NFXL1: variants seen among roughly 807,000 people sequenced by gnomAD.
The protein encoded by NFXL1 is NF-X1-type zinc finger protein NFXL1.
A neutral mutation model predicts 123.3 loss-of-function variants in NFXL1; 66 were observed. That is an observed-to-expected ratio of 0.54 (90% CI 0.44 to 0.66). The LOEUF (loss-of-function observed/expected upper bound fraction) is 0.66. Ranked by LOEUF, NFXL1 falls within the 30% of genes least tolerant of loss-of-function variation. The pLI is 0.00. For missense variants in NFXL1, 944 were observed against 1,125.6 expected, an observed-to-expected ratio of 0.84 and a Z score of 2.31; for synonymous variants, 346 against 360.8, an observed-to-expected ratio of 0.96 and a Z score of 0.46.
intron 18 of NFXL1, among the ~76,000 whole-genome samples, chr4:47,873,299 T>G (rs555698998): frequency 1.8e-4 from 28 of 152,316 alleles, no homozygotes; most frequent in African/African-American, 6.5e-4. Context: ...ACATGAATGT[T>G]CTTAATGACA....
In NFXL1 at chr4:47,851,845, C is replaced by A. The variant is rs755241078; in HGVS notation, c.2508+11G>T. The A allele has an allele frequency of 6.5e-7, 1 of 1,547,224 alleles. No individual in the cohort carries two copies. Among genetic ancestry groups the A allele is most frequent in the Non-Finnish European group, 8.9e-7 (1 of 1,121,794 alleles). Reference sequence around the variant, plus strand: ...CACTAGTCTTTAAAATGATATTTAACGAGACATTACCTCAGATGCTTTCCG... The same window carrying A: ...CACTAGTCTTTAAAATGATATTTAAAGAGACATTACCTCAGATGCTTTCCG... On this transcript the variant is annotated intron_variant, in intron 21 of 22. Coordinates refer to ENST00000507489, the MANE Select transcript of NFXL1 (RefSeq NM_001278624.2).
At chr4:47,905,214 T>C (rs367783474) in intron 4 of NFXL1, 23 bp downstream of exon 4, 68 of 1,002,638 alleles carry the variant, frequency 6.8e-5, no homozygotes, top group Non-Finnish European at 1.0e-4. Flanking sequence ...GATACATTAA[T>C]ATAAATAAGG....
chr4:47,897,420 G>A (rs934098127), intron 9 of NFXL1, among the ~76,000 whole-genome samples: 14 of 152,162 alleles, frequency 9.2e-5, no homozygotes, highest in African/African-American at 3.4e-4. Context: ...TTTGTGGAGA[G>A]TCAAAAAAGC....
rs1481198570 is a variant in NFXL1, at chr4:47,898,100, A to T, written c.1090-19T>A. 1 of 1,443,228 alleles carries T rather than the reference A, an allele frequency of 6.9e-7. No homozygotes were observed. Among genetic ancestry groups the T allele is most frequent in the Non-Finnish European group, 9.6e-7 (1 of 1,040,326 alleles). The allele number at this position is 1,443,228 out of a possible 1,614,324, so 89.4% of individuals were successfully genotyped here. A position where few individuals can be genotyped will look rare whatever the true frequency, so the allele number is the denominator to read the frequency against. On this transcript the variant is annotated intron_variant, in intron 8 of 22. Transcript: ENST00000507489. The stretch of plus-strand genomic sequence containing the variant: ...CACATACCTAAAATAAAATGCAATA[A>T]ACACTAATGAAGGATTTAAAAGTTA...
chr4:47,856,030 G>A (rs1049983672), intron 19 of NFXL1, among the ~76,000 whole-genome samples: 1 of 152,098 alleles, frequency 6.6e-6, no homozygotes. Context: ...TGCTTGTGGT[G>A]TCTTGAAATT....
chr4:47,884,319 T>G (rs1284785701), intron 15 of NFXL1, 27 bp downstream of exon 15: 2 of 1,394,196 alleles, frequency 1.4e-6, no homozygotes, highest in East Asian at 2.3e-5. Context: ...TTTGTTTTTT[T>G]TTTTTAATTG....
intron 12 of NFXL1, among the ~76,000 whole-genome samples, chr4:47,887,082 G>C (rs1442224631): frequency 1.3e-5 from 2 of 152,038 alleles, no homozygotes; most frequent in African/African-American, 4.8e-5. Context: ...TTTGTTATGG[G>C]TTGGCAAAAA....
chr4:47,855,711 C>T (rs141155515), intron 19 of NFXL1, among the ~76,000 whole-genome samples: 84 of 152,172 alleles, frequency 5.5e-4, no homozygotes, highest in African/African-American at 2.0e-3. Context: ...TGTCCTTATA[C>T]GGTGTTATAA....
chr4:47,884,468 C>A, intron 14 of NFXL1, 31 bp from the exon 15 acceptor site: 3 of 1,354,128 alleles, frequency 2.2e-6, no homozygotes, highest in Admixed American at 1.8e-5. Flanking sequence ...AATTTTAAGT[C>A]AGAGGGATTA....
chr4:47,872,621 G>A (rs1466914497), intron 18 of NFXL1, among the ~76,000 whole-genome samples: 1 of 152,072 alleles, frequency 6.6e-6, no homozygotes, highest in Non-Finnish European at 1.5e-5. Flanking sequence ...TAAAAGTTAT[G>A]TTTACACAAT....
At chr4:47,881,321 T>C (rs568033548) in intron 15 of NFXL1, among the ~76,000 whole-genome samples, 1 of 152,262 alleles carries the variant, frequency 6.6e-6, no homozygotes, top group East Asian at 1.9e-4. Context: ...TAAATATGTA[T>C]AATTATTATG....
chr4:47,879,777 T>C (rs77514338), intron 15 of NFXL1, among the ~76,000 whole-genome samples: 5,027 of 152,170 alleles, frequency 0.033, 260 homozygotes, highest in African/African-American at 0.11. Flanking sequence ...ACACAAATCA[T>C]AGTCTACTGA....
intron 18 of NFXL1, among the ~76,000 whole-genome samples, chr4:47,866,184 C>A (rs1437233641): frequency 6.6e-6 from 1 of 151,626 alleles, no homozygotes; most frequent in Non-Finnish European, 1.5e-5. Flanking sequence ...AGTAGCCAAT[C>A]TTGGAAAGGC....
chr4:47,862,861 AT>A lies in NFXL1; in HGVS notation c.2300del (p.Asn767IlefsTer30). Reference sequence around the variant, plus strand: ...TAAAGCTTACCTCTTTAGGGCACTGATTTTTGCAACAACTGAGGAGGTTCTT... The same window carrying A: ...TAAAGCTTACCTCTTTAGGGCACTGATTTTGCAACAACTGAGGAGGTTCTT... ...NEKNLLSCCK[N>X]QCPKELPCGH... On this transcript the variant is annotated frameshift_variant, in exon 19 of 23. Coordinates refer to ENST00000507489, the MANE Select transcript of NFXL1 (RefSeq NM_001278624.2). LOFTEE classifies it high-confidence loss of function. The A allele has an allele frequency of 6.3e-7, 1 of 1,575,444 alleles. No individual in the cohort carries two copies. The highest frequency in any genetic ancestry group is 8.6e-7 in the Non-Finnish European group (1 of 1,160,940).
intron 18 of NFXL1, among the ~76,000 whole-genome samples, chr4:47,865,505 CT>C (rs1735006225): frequency 6.9e-6 from 1 of 144,636 alleles, no homozygotes; most frequent in Non-Finnish European, 1.5e-5. Context: ...AAAAAAACAA[CT>C]CCTGAGAGAG....
Position 47,910,997 on chromosome 4 carries a change from G to A in NFXL1, c.236-3C>T. ...AAATTTTTTCTGAGACATTAGCTCT[G>A]TTTAAAAGAAAAAAGTTTCATTTCT... On this transcript the variant is annotated splice_polypyrimidine_tract_variant and splice_region_variant and intron_variant, in intron 2 of 22. Coordinates refer to ENST00000507489, the MANE Select transcript of NFXL1 (RefSeq NM_001278624.2). The A allele has an allele frequency of 6.5e-7, 1 of 1,531,706 alleles. No homozygotes were observed. Among genetic ancestry groups the A allele is most frequent in the East Asian group, 2.3e-5 (1 of 43,310 alleles). 94.9% of individuals were successfully genotyped at this position (1,531,706 alleles called of 1,614,324 possible).
rs1733906152 is a variant in NFXL1, at chr4:47,847,976, T to C, written c.*187A>G. ...GTCATGCCTTCACTTTAAAACAGTA[T>C]TATACTGCCCTTTCTAGTATACTAA... On this transcript the variant is annotated 3_prime_UTR_variant, in exon 23 of 23. Coordinates refer to ENST00000507489, the MANE Select transcript of NFXL1 (RefSeq NM_001278624.2). 3 of 452,800 alleles carry C rather than the reference T, an allele frequency of 6.6e-6. No homozygotes were observed. The highest frequency in any genetic ancestry group is 4.0e-5 in the African/African-American group (2 of 50,062). 28.0% of individuals were successfully genotyped at this position (452,800 alleles called of 1,614,324 possible).
Position 47,869,692 on chromosome 4 carries a change from G to T in NFXL1, c.2246+5435C>A, listed in dbSNP as rs1735312673. Among the ~76,000 whole-genome samples, 4 of 151,994 alleles carry T rather than the reference G, an allele frequency of 2.6e-5. No individual in the cohort carries two copies. The South Asian group carries it at 8.3e-4, about 32-fold the overall frequency. On this transcript the variant is annotated intron_variant, in intron 18 of 22. Coordinates refer to ENST00000507489, the MANE Select transcript of NFXL1 (RefSeq NM_001278624.2). ...AATTAAATTCTCAATTCTTCTTAAAGAAATTTAGAAATTTCTTTTTAAAGG... is the reference window on the plus strand; with the variant it reads ...AATTAAATTCTCAATTCTTCTTAAATAAATTTAGAAATTTCTTTTTAAAGG...
At chr4:47,879,393 T>C (rs1735946958) in intron 15 of NFXL1, among the ~76,000 whole-genome samples, 1 of 152,236 alleles carries the variant, frequency 6.6e-6, no homozygotes, top group South Asian at 2.1e-4. Flanking sequence ...AAGATCTCTA[T>C]GGGACAACTA....
Sources: allele counts gnomAD v4.1 joint callset (sites outside exome capture counted in the v4.1 genomes callset), GRCh38; gene constraint gnomAD v4.1.1; transcripts MANE v1.5; gene names NCBI Gene and HGNC (gene_info 2026-07-23, HGNC 2026-07-21).